Variants in BCKDHB observed in about 807,000 individuals in gnomAD.
BCKDHB encodes the protein branched chain keto acid dehydrogenase E1 subunit beta, also known as 2-oxoisovalerate dehydrogenase subunit beta, mitochondrial.
A neutral mutation model predicts 48.5 loss-of-function variants in BCKDHB; 41 were observed. The observed-to-expected ratio is 0.85, with a 90% CI of 0.66 to 1.10. BCKDHB has a LOEUF of 1.10. BCKDHB is among the 50% of genes least tolerant of loss of function. The probability of loss-of-function intolerance (pLI) is 0.00; values close to 1 mark genes in which losing one functional copy is unlikely to be tolerated. For synonymous variants in BCKDHB, 201 were observed against 174.8 expected (o/e 1.15, Z -1.18); for missense variants, 496 against 494.2 (o/e 1.00, Z -0.03).
intron 9 of BCKDHB, among the ~76,000 whole-genome samples, chr6:80,293,202 C>T (rs1055106367): frequency 6.6e-6 from 1 of 152,216 alleles, no homozygotes; most frequent in Admixed American, 6.5e-5. Flanking sequence ...CATTTTCCTT[C>T]CACACTGACC....
At chr6:80,332,926 GAA>G (rs34943803) in intron 9 of BCKDHB, among the ~76,000 whole-genome samples, 115,330 of 147,476 alleles carry the variant, frequency 0.78, 44,923 homozygotes, top group Admixed American at 0.84. Context: ...GCACTAAAAA[GAA>G]AAAAAAAAAA....
At chr6:80,388,888 G>A in the BCKDHB span, among the ~76,000 whole-genome samples, 1 of 152,172 alleles carries the variant, frequency 6.6e-6, no homozygotes, top group Non-Finnish European at 1.5e-5. Flanking sequence ...GCAGAACTTC[G>A]AGCAGTGAAC....
chr6:80,309,901 A>T (rs934297672), intron 9 of BCKDHB, among the ~76,000 whole-genome samples: 8 of 152,068 alleles, frequency 5.3e-5, no homozygotes, highest in African/African-American at 1.9e-4. Context: ...TGCCTTCTTT[A>T]TGTTCATGTG....
intron 5 of BCKDHB, chr6:80,169,958 C>A (rs956542929): frequency 7.3e-7 from 1 of 1,368,646 alleles, no homozygotes; most frequent in Non-Finnish European, 9.5e-7. Context: ...ATATTTATAA[C>A]ATTATATTGT....
the BCKDHB span, among the ~76,000 whole-genome samples, chr6:80,401,273 A>C: frequency 6.6e-6 from 1 of 151,914 alleles, no homozygotes; most frequent in Admixed American, 6.6e-5. Context: ...TAACATATAA[A>C]TAGCAGTTCA....
At chr6:80,273,294 C>A in intron 9 of BCKDHB, 73 bp downstream of exon 9, 1 of 1,251,076 alleles carries the variant, frequency 8.0e-7, no homozygotes, top group Admixed American at 1.7e-5. Context: ...AAATAAATTA[C>A]TTATCACAAT....
chr6:80,320,725 T>C (rs1447299684), intron 9 of BCKDHB, among the ~76,000 whole-genome samples: 1 of 152,188 alleles, frequency 6.6e-6, no homozygotes, highest in African/African-American at 2.4e-5. Context: ...GATAGGCAAT[T>C]ATGATTTTTG....
At position 80,255,895 on chromosome 6, in the gene BCKDHB, G is replaced by C. The variant is rs79252720; in HGVS notation, c.952-17240G>C. Among the ~76,000 whole-genome samples the C allele has an allele frequency of 7.2e-3, 1,104 of 152,290 alleles. 10 individuals carry two copies. The highest frequency in any genetic ancestry group is 0.025 in the African/African-American group (1,040 of 41,578). On this transcript the variant is annotated intron_variant, in intron 8 of 9. Transcript: ENST00000320393. Reference sequence around the variant, plus strand: ...TCACTAAAGTTCTTTTTGAACAACTGATAAGTCAAAAAGCCAGCAGTAGAA... The same window carrying C: ...TCACTAAAGTTCTTTTTGAACAACTCATAAGTCAAAAAGCCAGCAGTAGAA...
At chr6:80,359,554 A>G in the BCKDHB span, among the ~76,000 whole-genome samples, 2 of 152,160 alleles carry the variant, frequency 1.3e-5, no homozygotes, top group South Asian at 4.1e-4. Flanking sequence ...GGGAGAAGAG[A>G]TAAGCCAGTT....
At chr6:80,425,157 C>G in the BCKDHB span, among the ~76,000 whole-genome samples, 5 of 152,066 alleles carry the variant, frequency 3.3e-5, no homozygotes, top group Non-Finnish European at 5.9e-5. Flanking sequence ...TTGCCACACA[C>G]AAAACATTCT....
intron 1 of BCKDHB, among the ~76,000 whole-genome samples, chr6:80,120,653 A>G (rs1279215991): frequency 6.6e-6 from 1 of 152,072 alleles, no homozygotes; most frequent in Admixed American, 6.6e-5. Context: ...GGCTGCATAG[A>G]TGTCTTGTTT....
the BCKDHB span, among the ~76,000 whole-genome samples, chr6:80,403,047 A>G: frequency 1.3e-5 from 2 of 151,262 alleles, no homozygotes; most frequent in African/African-American, 4.8e-5. Context: ...AGGTGCCTAT[A>G]GCTTCGTTTT....
chr6:80,326,969 G>C (rs1028521189), intron 9 of BCKDHB, among the ~76,000 whole-genome samples: 1 of 152,208 alleles, frequency 6.6e-6, no homozygotes, highest in Middle Eastern at 3.4e-3. Context: ...CCAATTTCCA[G>C]CCTTTCTACC....
At chr6:80,444,697 A>G in the BCKDHB span, among the ~76,000 whole-genome samples, 1 of 152,224 alleles carries the variant, frequency 6.6e-6, no homozygotes, top group Non-Finnish European at 1.5e-5. Flanking sequence ...CCTACTGCAT[A>G]TGTGCATTTA....
chr6:80,339,370 T>C (rs780262343), intron 9 of BCKDHB, among the ~76,000 whole-genome samples: 4 of 152,210 alleles, frequency 2.6e-5, no homozygotes, highest in Non-Finnish European at 5.9e-5. Context: ...AGGTTGTCTG[T>C]CCTTCCTAAT....
the BCKDHB span, among the ~76,000 whole-genome samples, chr6:80,460,522 T>G: frequency 6.6e-6 from 1 of 152,246 alleles, no homozygotes; most frequent in Non-Finnish European, 1.5e-5. Context: ...GGCTCACAAC[T>G]TGATAAAGGA....
intron 9 of BCKDHB, among the ~76,000 whole-genome samples, chr6:80,340,697 G>A (rs1883975): frequency 0.78 from 118,037 of 152,090 alleles, 46,172 homozygotes; most frequent in Admixed American, 0.84. Flanking sequence ...TGGTTATGGC[G>A]TCATGTATTT....
intron 1 of BCKDHB, among the ~76,000 whole-genome samples, chr6:80,107,423 A>ATGTGTGTGTGTGTG (rs60917181): frequency 2.7e-5 from 2 of 73,230 alleles, no homozygotes; most frequent in African/African-American, 6.7e-5. Flanking sequence ...AATTGTGTGT[A>ATGTGTGTGTGTGTG]TGTGTGTGTG....
chr6:80,207,665 TTGAAAA>T (rs1227039860), intron 8 of BCKDHB, among the ~76,000 whole-genome samples: 1 of 151,610 alleles, frequency 6.6e-6, no homozygotes, highest in Non-Finnish European at 1.5e-5. Context: ...CATCAAAATG[TTGAAAA>T]TGAAAGGATG....
Sources: allele counts gnomAD v4.1 joint callset (sites outside exome capture counted in the v4.1 genomes callset), GRCh38; gene constraint gnomAD v4.1.1; transcripts MANE v1.5; gene names NCBI Gene and HGNC (gene_info 2026-07-23, HGNC 2026-07-21).